Variants in GRIK2 observed in about 807,000 individuals in gnomAD.
GRIK2 encodes glutamate ionotropic receptor kainate type subunit 2.
Under a neutral mutation model 100.3 loss-of-function variants are expected in GRIK2, and 32 were observed. The ratio of observed to expected loss-of-function variants is 0.32; its 90% CI spans 0.24 to 0.43. The LOEUF (loss-of-function observed/expected upper bound fraction) is 0.43. Among genes scored for constraint, GRIK2 ranks in the 20% least tolerant of loss-of-function variants. The pLI, the probability that GRIK2 is intolerant of heterozygous loss-of-function variation, is 1.00. For synonymous variants in GRIK2, 417 were observed against 389.4 expected (o/e 1.07, Z -0.83); for missense variants, 843 against 1,114.9 (o/e 0.76, Z 3.47).
intron 2 of GRIK2, among the ~76,000 whole-genome samples, chr6:101,534,887 A>G (rs1775613591): frequency 6.6e-6 from 1 of 151,336 alleles, no homozygotes; most frequent in African/African-American, 2.4e-5. Flanking sequence ...ACTCTAAACC[A>G]GTAGGTTTAT....
intron 2 of GRIK2, among the ~76,000 whole-genome samples, chr6:101,496,136 G>T (rs1773432026): frequency 6.6e-6 from 1 of 151,910 alleles, no homozygotes; most frequent in Non-Finnish European, 1.5e-5. Flanking sequence ...TAGTAGAGAT[G>T]GGGTTTCACC....
chr6:101,544,147 T>C (rs1776130017), intron 2 of GRIK2, among the ~76,000 whole-genome samples: 1 of 152,134 alleles, frequency 6.6e-6, no homozygotes, highest in Admixed American at 6.6e-5. Flanking sequence ...TATAGTTTTT[T>C]CTCCTTTTTA....
chr6:101,939,263 G>C (rs1302498839), intron 14 of GRIK2, among the ~76,000 whole-genome samples: 2 of 151,814 alleles, frequency 1.3e-5, no homozygotes, highest in Non-Finnish European at 2.9e-5. Flanking sequence ...TAATTTCTCT[G>C]GGTTTCTGCT....
intron 11 of GRIK2, among the ~76,000 whole-genome samples, chr6:101,865,448 C>T (rs997971713): frequency 6.6e-6 from 1 of 152,120 alleles, no homozygotes; most frequent in African/African-American, 2.4e-5. Context: ...AAAAAGGCTC[C>T]AGGTATTATC....
chr6:101,451,699 G>GGT (rs1770698965), intron 2 of GRIK2, among the ~76,000 whole-genome samples: 1 of 59,800 alleles, frequency 1.7e-5, no homozygotes, highest in Non-Finnish European at 3.9e-5. Context: ...TCTCTGAGGG[G>GGT]GGGGGGGGTG....
intron 14 of GRIK2, among the ~76,000 whole-genome samples, chr6:101,979,343 T>A (rs1793581045): frequency 6.6e-6 from 1 of 151,718 alleles, no homozygotes; most frequent in South Asian, 2.1e-4. Flanking sequence ...AAAAGGGCAA[T>A]GATAGAAAAA....
chr6:101,701,911 C>T (rs1772925954), intron 7 of GRIK2, among the ~76,000 whole-genome samples: 1 of 151,954 alleles, frequency 6.6e-6, no homozygotes, highest in Non-Finnish European at 1.5e-5. Flanking sequence ...GTTCTCTTAA[C>T]CCACCTTCCC....
chr6:101,908,813 CTAAGGCAAAT>C (rs1390600829), intron 12 of GRIK2, among the ~76,000 whole-genome samples: 2 of 151,164 alleles, frequency 1.3e-5, no homozygotes, highest in African/African-American at 2.4e-5. Context: ...TTCAGACAAA[CTAAGGCAAAT>C]GAAATATCAA....
intron 11 of GRIK2, among the ~76,000 whole-genome samples, chr6:101,867,551 T>C (rs1245014437): frequency 1.3e-5 from 2 of 151,704 alleles, no homozygotes; most frequent in African/African-American, 2.4e-5. Flanking sequence ...TTAGAAATTA[T>C]CCCAGGATAG....
chr6:101,662,856 T>A (rs1028283648), intron 4 of GRIK2, among the ~76,000 whole-genome samples: 2 of 152,260 alleles, frequency 1.3e-5, no homozygotes, highest in East Asian at 1.9e-4. Flanking sequence ...TTATATTTTT[T>A]AATTTCACTT....
chr6:101,985,981 A>G (rs1168353463), intron 14 of GRIK2, among the ~76,000 whole-genome samples: 3 of 151,814 alleles, frequency 2.0e-5, no homozygotes, highest in Non-Finnish European at 4.4e-5. Context: ...TTTTGTCCTG[A>G]TGCTATTAAA....
intron 2 of GRIK2, among the ~76,000 whole-genome samples, chr6:101,427,933 A>G (rs2246465): frequency 0.057 from 8,645 of 152,262 alleles, 404 homozygotes; most frequent in South Asian, 0.14. Flanking sequence ...GCAATGGGTA[A>G]TATTTTTGAG....
At chr6:102,025,247 A>G (rs1461073057) in intron 14 of GRIK2, among the ~76,000 whole-genome samples, 2 of 151,218 alleles carry the variant, frequency 1.3e-5, no homozygotes, top group African/African-American at 2.4e-5. Context: ...TCTATGATAT[A>G]CTAGACACTG....
intron 7 of GRIK2, among the ~76,000 whole-genome samples, chr6:101,766,993 T>C (rs1778081465): frequency 1.3e-5 from 2 of 152,294 alleles, no homozygotes; most frequent in South Asian, 2.1e-4. Context: ...ATTCTTTTTA[T>C]GTAACCTAGC....
At chr6:101,788,507 A>C (rs553612880) in intron 7 of GRIK2, among the ~76,000 whole-genome samples, 1 of 151,892 alleles carries the variant, frequency 6.6e-6, no homozygotes, top group East Asian at 1.9e-4. Context: ...ATGATTTCCA[A>C]TTTCATCCAT....
intron 7 of GRIK2, among the ~76,000 whole-genome samples, chr6:101,794,053 G>C (rs1780103289): frequency 1.3e-5 from 2 of 152,134 alleles, no homozygotes; most frequent in South Asian, 4.1e-4. Flanking sequence ...CATTTCCTAA[G>C]CCCGTCAGAA....
At chr6:101,804,345 G>T (rs560587000) in intron 9 of GRIK2, among the ~76,000 whole-genome samples, 1 of 151,960 alleles carries the variant, frequency 6.6e-6, no homozygotes, top group Non-Finnish European at 1.5e-5. Context: ...CAAGATATTT[G>T]CAGGGTATTA....
At chr6:101,827,237 T>C (rs1010134395) in intron 10 of GRIK2, among the ~76,000 whole-genome samples, 1 of 151,970 alleles carries the variant, frequency 6.6e-6, no homozygotes, top group Admixed American at 6.6e-5. Context: ...TTTATGTGTG[T>C]GTAAGTATGA....
intron 7 of GRIK2, among the ~76,000 whole-genome samples, chr6:101,733,708 C>CTTTT (rs34438783): frequency 4.5e-3 from 378 of 83,916 alleles, no homozygotes; most frequent in Middle Eastern, 0.033. Context: ...ATTCCTCTTT[C>CTTTT]TTTTTTTTTT....
Sources: gnomAD v4.1 joint callset for allele counts (sites outside exome capture counted in the v4.1 genomes callset) on GRCh38, gnomAD v4.1.1 for gene constraint, MANE v1.5 for transcripts, NCBI Gene and HGNC (gene_info 2026-07-23, HGNC 2026-07-21) for gene names.